FMNL2: variants seen among roughly 807,000 people sequenced by gnomAD.
The protein encoded by FMNL2 is formin-like protein 2.
FMNL2 carries 51 observed loss-of-function variants against 130.2 expected under a neutral mutation model. The ratio of observed to expected loss-of-function variants is 0.39; its 90% CI spans 0.31 to 0.49. FMNL2 has a LOEUF of 0.49. Ranked by LOEUF, FMNL2 falls within the 20% of genes least tolerant of loss-of-function variation. The pLI is 0.85. For missense variants in FMNL2, 977 were observed against 1,316.2 expected (o/e 0.74, Z 3.99); for synonymous variants, 465 against 467.1 (o/e 1.00, Z 0.06).
intron 1 of FMNL2, among the ~76,000 whole-genome samples, chr2:152,415,868 C>T (rs566083540): frequency 6.6e-6 from 1 of 152,272 alleles, no homozygotes; most frequent in South Asian, 2.1e-4. Context: ...GAAATATTTA[C>T]CATAGCTGCT....
intron 4 of FMNL2, 52 bp from the exon 5 acceptor site, chr2:152,558,688 C>A: frequency 6.7e-7 from 1 of 1,502,060 alleles, no homozygotes; most frequent in Non-Finnish European, 9.1e-7. Flanking sequence ...CGTTCCATGG[C>A]AGGTCATGTG....
chr2:152,595,338 G>T (rs1453926420), intron 9 of FMNL2, among the ~76,000 whole-genome samples: 8 of 152,146 alleles, frequency 5.3e-5, no homozygotes, highest in Non-Finnish European at 1.2e-4. Flanking sequence ...TGTTGCTTTT[G>T]AGGCAGAGTC....
intron 21 of FMNL2, among the ~76,000 whole-genome samples, chr2:152,635,621 A>G (rs1380546262): frequency 2.6e-5 from 4 of 152,246 alleles, no homozygotes; most frequent in African/African-American, 9.6e-5. Flanking sequence ...TTTTGCACCA[A>G]TAATTTGTCC....
At chr2:152,639,874 G>A (rs1327884805) in intron 23 of FMNL2, 84 bp from the exon 24 acceptor site, 1 of 1,172,094 alleles carries the variant, frequency 8.5e-7, no homozygotes, top group African/African-American at 1.6e-5. Context: ...AACTCACTAA[G>A]GATGCTTGAA....
At chr2:152,524,385 G>A (rs1337666297) in intron 2 of FMNL2, among the ~76,000 whole-genome samples, 1 of 152,122 alleles carries the variant, frequency 6.6e-6, no homozygotes, top group African/African-American at 2.4e-5. Flanking sequence ...AAGTAACATG[G>A]GAGACGTGTC....
chr2:152,422,134 C>G (rs1452787456), intron 1 of FMNL2, among the ~76,000 whole-genome samples: 2 of 152,164 alleles, frequency 1.3e-5, no homozygotes, highest in African/African-American at 4.8e-5. Context: ...GGGGAATAGG[C>G]TTAAGAAGTT....
At chr2:152,597,873 G>C (rs73971906) in intron 9 of FMNL2, among the ~76,000 whole-genome samples, 2,961 of 152,300 alleles carry the variant, frequency 0.019, 109 homozygotes, top group African/African-American at 0.065. Context: ...TTAAGACCCA[G>C]AGGTGACTGT....
rs114004952 is a variant in FMNL2 at position 152,433,718 on chromosome 2, T to C, written c.118-88225T>C. ...GTCACCACCTTAGGTTGGCTGTGAC[T>C]ATTTACTAATATGAGCTGTGATCAG... On this transcript the variant is annotated intron_variant, in intron 1 of 25. Transcript: ENST00000288670. 2.2e-3 allele frequency among the ~76,000 whole-genome samples: 333 copies of C among 152,278 alleles called. 1 individual carries two copies. Among genetic ancestry groups the C allele is most frequent in the African/African-American group, 7.8e-3 (324 of 41,576 alleles).
At chr2:152,530,122 G>A (rs1237991198) in intron 2 of FMNL2, among the ~76,000 whole-genome samples, 1 of 152,132 alleles carries the variant, frequency 6.6e-6, no homozygotes, top group African/African-American at 2.4e-5. Context: ...CTACGTGGTT[G>A]TCTTGTTTAA....
At chr2:152,646,276 G>A (rs1224032989) in intron 25 of FMNL2, among the ~76,000 whole-genome samples, 1 of 152,102 alleles carries the variant, frequency 6.6e-6, no homozygotes, top group African/African-American at 2.4e-5. Flanking sequence ...ATGCTGCAGT[G>A]AGCAGAGATC....
intron 25 of FMNL2, chr2:152,645,566 T>G: frequency 8.3e-7 from 1 of 1,207,194 alleles, no homozygotes. Flanking sequence ...CCTCTCTCTG[T>G]ATGCAGATCA....
intron 6 of FMNL2, among the ~76,000 whole-genome samples, chr2:152,564,396 G>T (rs1340439457): frequency 6.6e-6 from 1 of 152,194 alleles, no homozygotes; most frequent in East Asian, 1.9e-4. Flanking sequence ...AAAACACATT[G>T]TAAATGGGCA....
chr2:152,515,158 A>T (rs1028661366), intron 1 of FMNL2, among the ~76,000 whole-genome samples: 1 of 152,180 alleles, frequency 6.6e-6, no homozygotes, highest in Non-Finnish European at 1.5e-5. Context: ...CTCCCCACAC[A>T]TCCAGGCTCA....
intron 3 of FMNL2, 50 bp downstream of exon 3, chr2:152,542,869 C>G (rs759648042): frequency 1.9e-6 from 3 of 1,581,466 alleles, no homozygotes; most frequent in Admixed American, 3.3e-5. Context: ...TATTAGCGAG[C>G]AGAATCCTCC....
intron 1 of FMNL2, among the ~76,000 whole-genome samples, chr2:152,404,738 G>T (rs573903055): frequency 6.6e-6 from 1 of 152,280 alleles, no homozygotes; most frequent in South Asian, 2.1e-4. Flanking sequence ...AGTCCAGTGG[G>T]TGCCGTTAGC....
chr2:152,434,508 G>A (rs1219492120), intron 1 of FMNL2, among the ~76,000 whole-genome samples: 1 of 152,058 alleles, frequency 6.6e-6, no homozygotes, highest in African/African-American at 2.4e-5. Flanking sequence ...TGCTTCCTTG[G>A]CTTGGACATA....
chr2:152,488,765 G>A lies in FMNL2; in HGVS notation c.118-33178G>A, dbSNP rs181052638. On this transcript the variant is annotated intron_variant, in intron 1 of 25. Coordinates refer to ENST00000288670, the MANE Select transcript of FMNL2 (RefSeq NM_052905.4). The stretch of plus-strand genomic sequence containing the variant: ...GGCTGGAATCAGTTGGCAAGATCCT[G>A]GTAAATGGTTTTGGTGTCAACTAGG... 1.9e-3 allele frequency among the ~76,000 whole-genome samples: 283 copies of A among 152,280 alleles called. 1 individual carries two copies. Among genetic ancestry groups the A allele is most frequent in the African/African-American group, 6.6e-3 (275 of 41,552 alleles).
intron 1 of FMNL2, among the ~76,000 whole-genome samples, chr2:152,427,550 A>T (rs1197296573): frequency 6.6e-6 from 1 of 152,218 alleles, no homozygotes; most frequent in African/African-American, 2.4e-5. Flanking sequence ...TTCTTAAAAA[A>T]TAAATAAATA....
chr2:152,529,962 G>GA (rs968442135), intron 2 of FMNL2, among the ~76,000 whole-genome samples: 1 of 151,594 alleles, frequency 6.6e-6, no homozygotes, highest in Non-Finnish European at 1.5e-5. Context: ...AGTGGGGAAG[G>GA]AAAAAAAAGA....
Sources: gnomAD v4.1 joint callset for allele counts (sites outside exome capture counted in the v4.1 genomes callset) on GRCh38, gnomAD v4.1.1 for gene constraint, MANE v1.5 for transcripts, NCBI Gene and HGNC (gene_info 2026-07-23, HGNC 2026-07-21) for gene names.